The following PDE10A variants were observed in gnomAD, a reference collection of about 807,000 sequenced individuals.
The protein encoded by PDE10A is phosphodiesterase 10A.
PDE10A carries 39 observed loss-of-function variants against 97.7 expected under a neutral mutation model. The ratio of observed to expected loss-of-function variants is 0.40; its 90% CI spans 0.31 to 0.52. PDE10A has a LOEUF of 0.52. PDE10A is among the 20% of genes least tolerant of loss of function. The pLI is 0.56. For missense variants in PDE10A, 731 were observed against 1,047.8 expected (o/e 0.70, Z 4.17); for synonymous variants, 371 against 376.8 (o/e 0.98, Z 0.18).
intron 1 of PDE10A, among the ~76,000 whole-genome samples, chr6:165,816,795 T>C (rs1390162053): frequency 1.3e-5 from 2 of 152,124 alleles, no homozygotes; most frequent in African/African-American, 2.4e-5. Flanking sequence ...CTCTTGGCCC[T>C]GGGAAATGGG....
intron 3 of PDE10A, among the ~76,000 whole-genome samples, chr6:165,468,239 A>G (rs1778774561): frequency 6.6e-6 from 1 of 151,114 alleles, no homozygotes; most frequent in Non-Finnish European, 1.5e-5. Flanking sequence ...CCACCATGCT[A>G]GGCTAATTTT....
intron 1 of PDE10A, among the ~76,000 whole-genome samples, chr6:165,833,626 C>T (rs1779987532): frequency 6.6e-6 from 1 of 152,238 alleles, no homozygotes; most frequent in Admixed American, 6.5e-5. Context: ...TGAGGGGGGC[C>T]CAAGTTCCTG....
At position 165,661,995 on chromosome 6, in the gene PDE10A, TAGA is replaced by T; in HGVS notation, c.814_816del (p.Ser272del). 7.0e-7 allele frequency: 1 copy of T among 1,429,186 alleles called. No individual in the cohort carries two copies. Among genetic ancestry groups the T allele is most frequent in the African/African-American group, 1.4e-5 (1 of 69,168 alleles). 88.5% of individuals were successfully genotyped at this position (1,429,186 alleles called of 1,614,324 possible). On this transcript the variant is annotated inframe_deletion, in exon 1 of 22. Transcript: ENST00000539869. This position sits in a 1 kb window ranked among gnomAD's most constrained non-coding sequence, Gnocchi z 4.8. Reference sequence around the variant, plus strand: ...AGCCTTCGGAAGCAGCTCGCATTATTAGAAGGTCCATCTTCCATGTCGGAGCCG... The same window carrying T: ...AGCCTTCGGAAGCAGCTCGCATTATTAGGTCCATCTTCCATGTCGGAGCCG...
In PDE10A at chr6:165,894,499, C is replaced by T. The variant is rs367948073; in HGVS notation, c.-615+93030G>A. 65 of 456,030 alleles carry T rather than the reference C, an allele frequency of 1.4e-4. 1 individual carries two copies. Among genetic ancestry groups the T allele is most frequent in the South Asian group, 9.1e-4 (59 of 64,552 alleles). 28.2% of individuals were successfully genotyped at this position (456,030 alleles called of 1,614,324 possible). A position where few individuals can be genotyped will look rare whatever the true frequency, so the allele number is the denominator to read the frequency against. ...GGGAAAACCTAGATTTATAGCCCTT[C>T]GTGTGCAAAAGATGTGGGAGGGAGT... On this transcript the variant is annotated intron_variant, in intron 1 of 19. Coordinates refer to the PDE10A transcript ENST00000366882.
intron 1 of PDE10A, among the ~76,000 whole-genome samples, chr6:165,621,792 C>T (rs1416112016): frequency 7.1e-6 from 1 of 140,964 alleles, no homozygotes; most frequent in African/African-American, 2.8e-5. Flanking sequence ...AGAAGAAACA[C>T]AGGATTGACA....
intron 1 of PDE10A, among the ~76,000 whole-genome samples, chr6:165,784,150 G>A (rs566879224): frequency 2.7e-4 from 41 of 151,690 alleles, no homozygotes; most frequent in Non-Finnish European, 5.7e-4. Flanking sequence ...CCTGGGAGGC[G>A]GGGAGGTTGC....
chr6:165,544,124 T>C (rs1000420004), intron 1 of PDE10A, among the ~76,000 whole-genome samples: 1 of 152,204 alleles, frequency 6.6e-6, no homozygotes, highest in African/African-American at 2.4e-5. Context: ...CAGGAAAATG[T>C]AGCACTGAAA....
At chr6:165,462,497 G>A (rs1165576729) in intron 3 of PDE10A, among the ~76,000 whole-genome samples, 1 of 152,190 alleles carries the variant, frequency 6.6e-6, no homozygotes, top group Non-Finnish European at 1.5e-5. Context: ...CAAATCAACA[G>A]CCGATTTGGA....
chr6:165,363,442 G>A (rs1783553407), intron 18 of PDE10A, among the ~76,000 whole-genome samples: 1 of 152,094 alleles, frequency 6.6e-6, no homozygotes, highest in Non-Finnish European at 1.5e-5. Context: ...TTGAACCCGG[G>A]GGAAGGAGGG....
At chr6:165,869,109 G>A (rs1781132367) in intron 1 of PDE10A, among the ~76,000 whole-genome samples, 1 of 151,818 alleles carries the variant, frequency 6.6e-6, no homozygotes, top group East Asian at 1.9e-4. Flanking sequence ...TAGCAATCAG[G>A]TAAAATAAAG....
At chr6:165,389,776 G>A (rs1432937104) in intron 16 of PDE10A, among the ~76,000 whole-genome samples, 5 of 152,198 alleles carry the variant, frequency 3.3e-5, no homozygotes, top group African/African-American at 9.6e-5. Context: ...GCTCACCAAG[G>A]TTGTAGTTTG....
chr6:165,602,284 C>A (rs1369710022), intron 1 of PDE10A, among the ~76,000 whole-genome samples: 1 of 152,192 alleles, frequency 6.6e-6, no homozygotes, highest in African/African-American at 2.4e-5. Context: ...CCTTGGCCCA[C>A]CCCAATCTTT....
In PDE10A at chr6:165,661,929, G is replaced by T. The variant is rs759530329; in HGVS notation, c.865+18C>A. The T allele has an allele frequency of 1.7e-5, 15 of 894,610 alleles. No homozygotes were observed. Among genetic ancestry groups the T allele is most frequent in the Non-Finnish European group, 1.8e-5 (10 of 555,518 alleles). 55.4% of individuals were successfully genotyped at this position (894,610 alleles called of 1,614,324 possible). A position where few individuals can be genotyped will look rare whatever the true frequency, so the allele number is the denominator to read the frequency against. On this transcript the variant is annotated intron_variant, in intron 1 of 21. Coordinates refer to ENST00000539869, the MANE Select transcript of PDE10A (RefSeq NM_001385079.1). The surrounding 1 kb of genome is among the most constrained non-coding windows in gnomAD (Gnocchi z 4.8). ...AGGAGCCGCCCCACCTCCGGGGAAC[G>T]GGGAGCAGGCCACTTACTGGGGCTC...
chr6:165,788,518 CA>C (rs56927613), intron 1 of PDE10A, among the ~76,000 whole-genome samples: 121 of 74,742 alleles, frequency 1.6e-3, no homozygotes, highest in African/African-American at 5.8e-3. Flanking sequence ...AACTCTGTCT[CA>C]AAAAAAAAAA....
intron 1 of PDE10A, among the ~76,000 whole-genome samples, chr6:165,732,876 A>G (rs1333962184): frequency 6.6e-6 from 1 of 152,124 alleles, no homozygotes; most frequent in Non-Finnish European, 1.5e-5. Context: ...GCTGGCCACC[A>G]AGCACAGCTG....
chr6:165,334,403 C>A (rs979572536), intron 21 of PDE10A, among the ~76,000 whole-genome samples: 1 of 150,264 alleles, frequency 6.7e-6, no homozygotes, highest in Non-Finnish European at 1.5e-5. Context: ...GCCTCCATAG[C>A]GCCCTACAGC....
At position 165,747,470 on chromosome 6, in the gene PDE10A, T is replaced by A. The variant is rs569925097; in HGVS notation, c.-614-203902A>T. Among the ~76,000 whole-genome samples the A allele has an allele frequency of 2.4e-4, 37 of 152,308 alleles. No individual in the cohort carries two copies. The South Asian group carries it at 7.0e-3, about 29-fold the overall frequency. On this transcript the variant is annotated intron_variant, in intron 1 of 19. Coordinates refer to the PDE10A transcript ENST00000366882. ...GAATTAGACACTGTTATTATCCCCA[T>A]TTTATAGATGAAGAAAATGAGATAA...
At chr6:165,926,897 A>G (rs989383907) in intron 1 of PDE10A, among the ~76,000 whole-genome samples, 5 of 152,220 alleles carry the variant, frequency 3.3e-5, no homozygotes, top group Non-Finnish European at 5.9e-5. Context: ...AGTTGCATTT[A>G]AAAGACTTGG....
At chr6:165,353,763 T>C (rs1782850516) in intron 18 of PDE10A, among the ~76,000 whole-genome samples, 1 of 152,156 alleles carries the variant, frequency 6.6e-6, no homozygotes, top group Admixed American at 6.6e-5. Context: ...ACAAGGGATT[T>C]TTAGGGCAGT....
Sources: gnomAD v4.1 joint callset for allele counts (sites outside exome capture counted in the v4.1 genomes callset) on GRCh38, gnomAD v4.1.1 for gene constraint, Gnocchi (gnomAD v3.1) non-coding constraint, MANE v1.5 for transcripts, NCBI Gene and HGNC (gene_info 2026-07-23, HGNC 2026-07-21) for gene names.